Variants in MTREX observed in about 807,000 individuals in gnomAD.
The protein encoded by MTREX is exosome RNA helicase MTR4.
In MTREX, 76 loss-of-function variants were observed where a neutral mutation model predicts 135.4. The ratio of observed to expected loss-of-function variants is 0.56; its 90% CI spans 0.47 to 0.68. MTREX has a LOEUF of 0.68. Among genes scored for constraint, MTREX ranks in the 30% least tolerant of loss-of-function variants. The probability of loss-of-function intolerance (pLI) is 0.00; values close to 1 mark genes in which losing one functional copy is unlikely to be tolerated. For synonymous variants in MTREX, 404 were observed against 401.6 expected (o/e 1.01, Z -0.07); for missense variants, 920 against 1,262.1 (o/e 0.73, Z 4.11).
intron 1 of MTREX, among the ~76,000 whole-genome samples, chr5:55,315,011 C>A (rs1749176607): frequency 6.6e-6 from 1 of 152,178 alleles, no homozygotes; most frequent in Non-Finnish European, 1.5e-5. Flanking sequence ...CCTAACAGGC[C>A]ATGAACTGCC....
intron 19 of MTREX, among the ~76,000 whole-genome samples, chr5:55,396,105 T>C (rs1392043851): frequency 2.0e-5 from 3 of 152,184 alleles, no homozygotes; most frequent in Non-Finnish European, 4.4e-5. Context: ...TGAATTGAAA[T>C]AAGGGTATGT....
intron 16 of MTREX, 139 bp from the exon 17 acceptor site, chr5:55,378,175 A>G: frequency 1.0e-6 from 1 of 959,484 alleles, no homozygotes; most frequent in Non-Finnish European, 1.4e-6. Flanking sequence ...ATGAACACAT[A>G]GAGACTTACA....
chr5:55,414,686 T>C (rs1247451619), intron 24 of MTREX, among the ~76,000 whole-genome samples: 1 of 152,166 alleles, frequency 6.6e-6, no homozygotes, highest in African/African-American at 2.4e-5. Flanking sequence ...TCTCGCTCTC[T>C]TACCAAGGCC....
At position 55,400,389 on chromosome 5, in the gene MTREX, A is replaced by G; in HGVS notation, c.2449A>G (p.Thr817Ala). The change falls in exon 21 of 27, where the codon ACT becomes GCT. Residue 817 changes from threonine (T) to alanine (A), a missense_variant. This residue lies in a region of MTREX where 467 missense variants were observed against 589.7 expected (regional missense o/e 0.79). Coordinates refer to ENST00000230640, the MANE Select transcript of MTREX (RefSeq NM_015360.5). ...ACTTCACAATGATCCAAATTTGGAA[A>G]CTGTGTATACGCTTTGTGAAAAAAA... ...HPLHNDPNLETVYTLCEKKAQ... is the reference protein window; with the variant it reads ...HPLHNDPNLEAVYTLCEKKAQ... The G allele has an allele frequency of 6.2e-7, 1 of 1,611,398 alleles. No individual in the cohort carries two copies. The highest frequency in any genetic ancestry group is 8.5e-7 in the Non-Finnish European group (1 of 1,178,876).
Position 55,425,003 on chromosome 5 carries a change from G to T in MTREX, c.*231G>T. 1.3e-6 allele frequency: 1 copy of T among 751,184 alleles called. No homozygotes were observed. Among genetic ancestry groups the T allele is most frequent in the Non-Finnish European group, 2.1e-6 (1 of 476,782 alleles). The allele number at this position is 751,184 out of a possible 1,614,324, so 46.5% of individuals were successfully genotyped here. ...GCACTGTTTTGGTGGAAGGCTTGGA[G>T]TTTTTTTAATGAGTTTAGAGCTATT... On this transcript the variant is annotated 3_prime_UTR_variant, in exon 27 of 27. Transcript: ENST00000230640.
intron 2 of MTREX, 83 bp from the exon 3 acceptor site, chr5:55,324,049 C>G: frequency 1.0e-6 from 1 of 963,174 alleles, no homozygotes; most frequent in Non-Finnish European, 1.6e-6. Context: ...GTGTCATTTT[C>G]CTTAACAGTG....
intron 16 of MTREX, among the ~76,000 whole-genome samples, chr5:55,368,285 C>T (rs1209165009): frequency 6.6e-6 from 1 of 151,878 alleles, no homozygotes; most frequent in Non-Finnish European, 1.5e-5. Context: ...CCCATCTCTA[C>T]TAAAAATACA....
At chr5:55,410,473 C>A in intron 22 of MTREX, 51 bp from the exon 23 acceptor site, 2 of 1,027,382 alleles carry the variant, frequency 1.9e-6, no homozygotes, top group Non-Finnish European at 1.5e-6. Flanking sequence ...TATGTGTGTG[C>A]ATGTGTGTCT....
At chr5:55,409,068 C>T (rs778706647) in intron 22 of MTREX, among the ~76,000 whole-genome samples, 1 of 152,108 alleles carries the variant, frequency 6.6e-6, no homozygotes, top group Non-Finnish European at 1.5e-5. Context: ...CCTCCCACCT[C>T]AGCCTCCTGA....
intron 5 of MTREX, among the ~76,000 whole-genome samples, chr5:55,337,116 C>T (rs937569919): frequency 1.3e-5 from 2 of 151,812 alleles, no homozygotes; most frequent in South Asian, 2.1e-4. Flanking sequence ...CCGTGTCTAT[C>T]TAGAAATTTC....
At chr5:55,406,307 A>G (rs1426978088) in intron 22 of MTREX, among the ~76,000 whole-genome samples, 1 of 152,140 alleles carries the variant, frequency 6.6e-6, no homozygotes, top group Non-Finnish European at 1.5e-5. Flanking sequence ...GTTAAGCTGA[A>G]ACAGTAGGAG....
rs1163485821 is a variant in MTREX at position 55,364,884 on chromosome 5, A to G, written c.1660-1841A>G. 3.3e-5 allele frequency among the ~76,000 whole-genome samples: 5 copies of G among 152,252 alleles called. No individual in the cohort carries two copies. In the South Asian group the frequency reaches 6.2e-4, roughly 19 times the overall value. On this transcript the variant is annotated intron_variant, in intron 15 of 26. Coordinates refer to ENST00000230640, the MANE Select transcript of MTREX (RefSeq NM_015360.5). ...ATGTGAAAGAGAAAGTTGGTCAGAA[A>G]TGAGGAAGAGCAAGAGAGAGAAATT...
At chr5:55,320,139 A>G (rs1216761683) in intron 1 of MTREX, among the ~76,000 whole-genome samples, 3 of 152,086 alleles carry the variant, frequency 2.0e-5, no homozygotes, top group African/African-American at 4.8e-5. Flanking sequence ...AGGTTTTGCT[A>G]GGTATCAGAG....
At chr5:55,331,851 T>A (rs906505130) in intron 5 of MTREX, among the ~76,000 whole-genome samples, 2 of 152,202 alleles carry the variant, frequency 1.3e-5, no homozygotes, top group Non-Finnish European at 2.9e-5. Context: ...TGGGGCGTAC[T>A]GTTCTTATAT....
At chr5:55,352,021 T>TTTTTGTTTTG (rs559247967) in intron 13 of MTREX, among the ~76,000 whole-genome samples, 1 of 131,824 alleles carries the variant, frequency 7.6e-6, no homozygotes, top group African/African-American at 3.1e-5. Flanking sequence ...TTTGTTTTTG[T>TTTTTGTTTTG]TTTTGTTTTG....
At chr5:55,339,938 A>T in intron 5 of MTREX, 72 bp from the exon 6 acceptor site, 1 of 1,195,866 alleles carries the variant, frequency 8.4e-7, no homozygotes, top group Non-Finnish European at 1.1e-6. Flanking sequence ...GACACAATTT[A>T]AATATTAACA....
chr5:55,313,038 A>G (rs1480551055), intron 1 of MTREX, among the ~76,000 whole-genome samples: 1 of 152,154 alleles, frequency 6.6e-6, no homozygotes, highest in Non-Finnish European at 1.5e-5. Flanking sequence ...TTGTTTTTAT[A>G]AAAAATAGAA....
At chr5:55,336,600 G>A (rs1385683995) in intron 5 of MTREX, among the ~76,000 whole-genome samples, 2 of 152,112 alleles carry the variant, frequency 1.3e-5, no homozygotes, top group South Asian at 2.1e-4. Context: ...GATCATTTGT[G>A]TATGTTACTG....
rs140436872 is a variant in MTREX at position 55,400,864 on chromosome 5, C to G, written c.2481+443C>G. 1.6e-3 allele frequency among the ~76,000 whole-genome samples: 245 copies of G among 152,268 alleles called. 3 individuals are homozygous for G. The East Asian group carries it at 0.044, about 27-fold the overall frequency. ...CCTTGGCAATCACAAATCTTTCTAT[C>G]TGTATGGTTTTGCCTATTCTGGATA... is the stretch of plus-strand genomic sequence containing the variant. On this transcript the variant is annotated intron_variant, in intron 21 of 26. Coordinates refer to ENST00000230640, the MANE Select transcript of MTREX (RefSeq NM_015360.5).
Sources: allele counts gnomAD v4.1 joint callset (sites outside exome capture counted in the v4.1 genomes callset), GRCh38; gene constraint gnomAD v4.1.1; regional missense constraint gnomAD v4.1.1; transcripts MANE v1.5; gene names NCBI Gene and HGNC (gene_info 2026-07-23, HGNC 2026-07-21).